The following PTK2B variants were observed in gnomAD, a reference collection of about 807,000 sequenced individuals.
PTK2B encodes protein tyrosine kinase 2 beta.
Under a neutral mutation model 142.9 loss-of-function variants are expected in PTK2B, and 71 were observed. The observed-to-expected ratio is 0.50, with a 90% CI of 0.41 to 0.61. PTK2B has a LOEUF of 0.61. PTK2B is among the 20% of genes least tolerant of loss of function. PTK2B has a pLI of 0.00. For synonymous variants in PTK2B, 519 were observed against 503.4 expected, an observed-to-expected ratio of 1.03 and a Z score of -0.42; for missense variants, 1,105 against 1,320.4, an observed-to-expected ratio of 0.84 and a Z score of 2.53.
At chr8:27,434,164 C>T (rs1810624395) in intron 12 of PTK2B, 32 bp downstream of exon 12, 5 of 1,608,756 alleles carry the variant, frequency 3.1e-6, no homozygotes, top group African/African-American at 2.7e-5. Context: ...GGACAGGGCC[C>T]TGAGCTCAGC....
chr8:27,335,825 A>C (rs1240292032), intron 1 of PTK2B, among the ~76,000 whole-genome samples: 1 of 152,098 alleles, frequency 6.6e-6, no homozygotes, highest in Non-Finnish European at 1.5e-5. Flanking sequence ...TTGTATGTGC[A>C]ATCAGGGGGT....
chr8:27,403,524 T>C (rs1025169378), intron 2 of PTK2B, among the ~76,000 whole-genome samples: 3 of 152,194 alleles, frequency 2.0e-5, no homozygotes, highest in Non-Finnish European at 4.4e-5. Context: ...AATGAGAAAT[T>C]GATTTTGCTC....
At chr8:27,354,707 A>G (rs928826537) in intron 1 of PTK2B, among the ~76,000 whole-genome samples, 2 of 152,202 alleles carry the variant, frequency 1.3e-5, no homozygotes, top group African/African-American at 4.8e-5. Context: ...TATGTCAATA[A>G]ATCATTTACA....
Position 27,343,191 on chromosome 8 carries a change from TG to T in PTK2B, c.-38+17511del, listed in dbSNP as rs556388198. Among the ~76,000 whole-genome samples, 120 of 152,338 alleles carry T rather than the reference TG, an allele frequency of 7.9e-4. 1 individual carries two copies. The highest frequency in any genetic ancestry group is 3.4e-3 in the Middle Eastern group (1 of 294). On this transcript the variant is annotated intron_variant, in intron 1 of 30. Coordinates refer to ENST00000346049, the MANE Select transcript of PTK2B (RefSeq NM_173176.3). ...AGCCTCAGGAATTTCATTTTATGAT[TG>T]ATCCTTCTTTGTTTGTTTGTTGTTT...
intron 1 of PTK2B, among the ~76,000 whole-genome samples, chr8:27,328,722 T>C (rs1057277098): frequency 2.6e-5 from 4 of 152,206 alleles, no homozygotes; most frequent in Non-Finnish European, 4.4e-5. Flanking sequence ...AAAAGACACG[T>C]GTCATTCCCT....
intron 3 of PTK2B, among the ~76,000 whole-genome samples, chr8:27,319,106 C>T (rs192598797): frequency 1.2e-3 from 185 of 152,208 alleles, no homozygotes; most frequent in Non-Finnish European, 1.4e-3. Flanking sequence ...CCTTTTTTAT[C>T]CTCTGTGGAA....
intron 24 of PTK2B, among the ~76,000 whole-genome samples, chr8:27,447,124 G>C (rs912932172): frequency 2.0e-5 from 3 of 152,212 alleles, no homozygotes; most frequent in African/African-American, 7.2e-5. Flanking sequence ...TTGAGGGGTA[G>C]CATTGCCTTC....
At chr8:27,331,637 C>G (rs1414035659) in intron 1 of PTK2B, among the ~76,000 whole-genome samples, 1 of 152,030 alleles carries the variant, frequency 6.6e-6, no homozygotes, top group African/African-American at 2.4e-5. Flanking sequence ...CAGGCACCCA[C>G]CACCATCCCT....
At chr8:27,362,213 CAG>C (rs1166878591) in intron 1 of PTK2B, among the ~76,000 whole-genome samples, 120 of 152,328 alleles carry the variant, frequency 7.9e-4, no homozygotes, top group African/African-American at 2.7e-3. Context: ...AGCCTCAGGG[CAG>C]CACCAGGAGC....
chr8:27,321,439 T>C (rs1803214850), upstream of PTK2B, among the ~76,000 whole-genome samples: 1 of 152,216 alleles, frequency 6.6e-6, no homozygotes, highest in Non-Finnish European at 1.5e-5. Flanking sequence ...CAAAATAAAG[T>C]AACCCAAGCA....
Position 27,422,009 on chromosome 8 carries a change from T to C in PTK2B, c.472-295T>C, listed in dbSNP as rs537625881. On this transcript the variant is annotated intron_variant, in intron 4 of 30. Transcript: ENST00000346049. Reference sequence around the variant, plus strand: ...GATAAATTACTGACTTCTTGCAAAATCTCAGTTTTCTTCTATCCAAAATGG... The same window carrying C: ...GATAAATTACTGACTTCTTGCAAAACCTCAGTTTTCTTCTATCCAAAATGG... Among the ~76,000 whole-genome samples the C allele has an allele frequency of 2.0e-5, 3 of 152,322 alleles. No homozygotes were observed. In the South Asian group the frequency reaches 6.2e-4, roughly 32 times the overall value.
At chr8:27,316,500 T>A (rs1205347458) in intron 3 of PTK2B, among the ~76,000 whole-genome samples, 1 of 152,228 alleles carries the variant, frequency 6.6e-6, no homozygotes, top group Non-Finnish European at 1.5e-5. Flanking sequence ...TTGACTATGT[T>A]AATATCAGAC....
At chr8:27,378,333 G>T (rs909400980) in intron 1 of PTK2B, among the ~76,000 whole-genome samples, 1 of 152,202 alleles carries the variant, frequency 6.6e-6, no homozygotes, top group Non-Finnish European at 1.5e-5. Context: ...ATTCAGGGGG[G>T]TTCTGCAAAT....
chr8:27,369,926 G>T (rs919032391), intron 1 of PTK2B, among the ~76,000 whole-genome samples: 12 of 152,004 alleles, frequency 7.9e-5, no homozygotes, highest in African/African-American at 2.7e-4. Context: ...GCAGTGAGCT[G>T]AGATCACACC....
rs1199913162 is a variant in PTK2B at position 27,434,579 on chromosome 8, C to T, written c.1192+20C>T. On this transcript the variant is annotated intron_variant, in intron 13 of 30. Coordinates refer to ENST00000346049, the MANE Select transcript of PTK2B (RefSeq NM_173176.3). ...GCATAGGTGAGCTGCCCGCTGCATC[C>T]TCCACCTGCTCCAGTTGCCTCCCGT... 3 of 1,594,134 alleles carry T rather than the reference C, an allele frequency of 1.9e-6. No homozygotes were observed. In the African/African-American group the frequency reaches 4.0e-5, roughly 21 times the overall value.
At chr8:27,441,687 C>G (rs1811166376) in intron 21 of PTK2B, among the ~76,000 whole-genome samples, 1 of 152,188 alleles carries the variant, frequency 6.6e-6, no homozygotes, top group African/African-American at 2.4e-5. Context: ...CTTCAGTGAG[C>G]CTCCCAGTTA....
At chr8:27,318,441 C>T (rs1209790713) in intron 3 of PTK2B, among the ~76,000 whole-genome samples, 1 of 152,116 alleles carries the variant, frequency 6.6e-6, no homozygotes, top group Non-Finnish European at 1.5e-5. Flanking sequence ...GCCAAGAAGA[C>T]CAAAGTCATA....
chr8:27,374,760 G>T (rs1361243600), intron 1 of PTK2B, among the ~76,000 whole-genome samples: 1 of 152,136 alleles, frequency 6.6e-6, no homozygotes, highest in East Asian at 1.9e-4. Context: ...GTCCCTCCAG[G>T]GTCAGTGGGG....
In PTK2B at chr8:27,431,361, A is replaced by G. The variant is rs372317564; in HGVS notation, c.811-37A>G. On this transcript the variant is annotated intron_variant, in intron 8 of 30. Transcript: ENST00000346049. ...CAAGTTTCTGAAGAATGGGGAGGAC[A>G]GCTCTGGAACAACAGTCCACTCTCC... 9.6e-5 allele frequency: 155 copies of G among 1,614,068 alleles called. No homozygotes were observed. The African/African-American group carries it at 1.9e-3, about 20-fold the overall frequency.
Sources: allele counts gnomAD v4.1 joint callset (sites outside exome capture counted in the v4.1 genomes callset), GRCh38; gene constraint gnomAD v4.1.1; transcripts MANE v1.5; gene names NCBI Gene and HGNC (gene_info 2026-07-23, HGNC 2026-07-21).